The following METTL2B variants were observed in gnomAD, a reference collection of about 807,000 sequenced individuals.
METTL2B encodes methyltransferase 2B, tRNA N3-cytidine, also known as tRNA N(3)-cytidine methyltransferase METTL2B.
In METTL2B, 28 loss-of-function variants were observed where a neutral mutation model predicts 51.0. The ratio of observed to expected loss-of-function variants is 0.55; its 90% CI spans 0.41 to 0.75. The LOEUF (loss-of-function observed/expected upper bound fraction) is 0.75. Ranked by LOEUF, METTL2B falls within the 30% of genes least tolerant of loss-of-function variation. The pLI is 0.00. For synonymous variants in METTL2B, 128 were observed against 166.3 expected (o/e 0.77, Z 1.77); for missense variants, 313 against 460.7 (o/e 0.68, Z 2.93).
At chr7:128,484,226 T>TTTTGTTTTTTTTTTTTTG (rs1554428827) in intron 4 of METTL2B, 1 of 93,056 alleles carries the variant, frequency 1.1e-5, no homozygotes, top group Non-Finnish European at 2.2e-5. Flanking sequence ...CCTTTTTTTT[T>TTTTGTTTTTTTTTTTTTG]TTTTTTTTTT....
chr7:128,479,290 T>C lies in METTL2B; in HGVS notation c.335T>C (p.Leu112Ser), dbSNP rs754946655. 3.7e-6 allele frequency: 6 copies of C among 1,614,122 alleles called. No homozygotes were observed. In the Admixed American group the frequency reaches 8.3e-5, roughly 22 times the overall value. Residue 112 changes from leucine (L) to serine (S), a missense_variant, in exon 3 of 9, where the codon TTG becomes TCG. Physicochemically the swap from Leu to Ser is moderately radical, Grantham distance 145. Coordinates refer to ENST00000262432, the MANE Select transcript of METTL2B (RefSeq NM_018396.3). The part of the protein sequence containing the change: ...ELAPSQNQNH[L>S]KDWFLENKSE... ...GCACCTAGCCAAAATCAAAATCATT[T>C]GAAGGATTGGTTCTTGGAGAACAAG...
chr7:128,477,130 A>G lies in METTL2B; in HGVS notation c.159A>G (p.Lys53=). ...AGCAAGCCGCGGCGGCGGAGAGAAAAGTCCAGGAGAACAGTATCCAGCGGG... is the reference window on the plus strand; with the variant it reads ...AGCAAGCCGCGGCGGCGGAGAGAAAGGTCCAGGAGAACAGTATCCAGCGGG... ...SEEQAAAAER[K]VQENSIQRVC... Residue 53 remains lysine, a synonymous_variant, in exon 2 of 9, where the codon AAA becomes AAG. Transcript: ENST00000262432. 1 of 1,613,996 alleles carries G rather than the reference A, an allele frequency of 6.2e-7. No homozygotes were observed. The highest frequency in any genetic ancestry group is 8.5e-7 in the Non-Finnish European group (1 of 1,179,942).
At chr7:128,490,066 C>T (rs1420242146) in intron 5 of METTL2B, among the ~76,000 whole-genome samples, 2 of 152,168 alleles carry the variant, frequency 1.3e-5, no homozygotes, top group African/African-American at 4.8e-5. Context: ...AGTCCATTCT[C>T]TCAAACCCTG....
At chr7:128,480,460 CTT>C (rs756663492) in intron 3 of METTL2B, among the ~76,000 whole-genome samples, 185 bp from the exon 4 acceptor site, 93 of 152,314 alleles carry the variant, frequency 6.1e-4, no homozygotes, top group Non-Finnish European at 9.8e-4. Context: ...ATGTTCTTGT[CTT>C]TTAAGGGTTC....
At chr7:128,501,735 A>G (rs1394946102) in intron 8 of METTL2B, 27 bp from the exon 9 acceptor site, 3 of 1,611,644 alleles carry the variant, frequency 1.9e-6, no homozygotes, top group Non-Finnish European at 1.7e-6. Context: ...GGGAAAATGC[A>G]TAAACATCTT....
At chr7:128,481,445 A>G (rs1799871591) in intron 4 of METTL2B, among the ~76,000 whole-genome samples, 1 of 152,248 alleles carries the variant, frequency 6.6e-6, no homozygotes, top group Non-Finnish European at 1.5e-5. Context: ...ATAATTTCCT[A>G]GAATGGCTCA....
intron 4 of METTL2B, among the ~76,000 whole-genome samples, chr7:128,485,825 AC>A (rs566268981): frequency 2.0e-4 from 30 of 152,140 alleles, no homozygotes; most frequent in Non-Finnish European, 3.5e-4. Context: ...AATCAATAAA[AC>A]AACAATTTTT....
At chr7:128,490,786 G>T (rs1792814310) in intron 5 of METTL2B, among the ~76,000 whole-genome samples, 1 of 152,136 alleles carries the variant, frequency 6.6e-6, no homozygotes, top group African/African-American at 2.4e-5. Context: ...AAATACAGCA[G>T]CCCTGTTTGA....
Position 128,484,231 on chromosome 7 carries a change from T to TTGTTTTG in METTL2B, c.608+3536_608+3537insGTTTTGT, listed in dbSNP as rs1259668490. The TTGTTTTG allele has an allele frequency of 3.9e-4, 42 of 108,870 alleles. 2 individuals are homozygous for TTGTTTTG. The highest frequency in any genetic ancestry group is 1.2e-3 in the African/African-American group (35 of 28,814). The allele number at this position is 108,870 out of a possible 1,614,324, so 6.7% of individuals were successfully genotyped here. A position where few individuals can be genotyped will look rare whatever the true frequency, so the allele number is the denominator to read the frequency against. ...TTGCCTAGATCCTTTTTTTTTTTTT[T>TTGTTTTG]TTTTTTTTTTTTTTGAGACAGGATT... On this transcript the variant is annotated intron_variant, in intron 4 of 8. Coordinates refer to ENST00000262432, the MANE Select transcript of METTL2B (RefSeq NM_018396.3).
At chr7:128,478,486 T>A (rs1799832084) in intron 2 of METTL2B, among the ~76,000 whole-genome samples, 1 of 149,006 alleles carries the variant, frequency 6.7e-6, no homozygotes, top group Non-Finnish European at 1.5e-5. Flanking sequence ...CCTGACCTCG[T>A]GATCCGCCCA....
intron 4 of METTL2B, among the ~76,000 whole-genome samples, chr7:128,482,619 T>C (rs1158490813): frequency 6.6e-6 from 1 of 152,060 alleles, no homozygotes; most frequent in African/African-American, 2.4e-5. Context: ...CTGCAACCTC[T>C]GCCTCCTGGG....
At chr7:128,488,427 T>C (rs1043541536) in intron 5 of METTL2B, 1 of 615,736 alleles carries the variant, frequency 1.6e-6, no homozygotes, top group African/African-American at 1.8e-5. Flanking sequence ...CACCACCATA[T>C]GCTCACTTAG....
chr7:128,480,162 G>A (rs950580565), intron 3 of METTL2B, among the ~76,000 whole-genome samples: 6 of 152,184 alleles, frequency 3.9e-5, no homozygotes, highest in Non-Finnish European at 8.8e-5. Context: ...TACTTATGAG[G>A]ATGGAGATAA....
rs536488687 is a variant in METTL2B, at chr7:128,487,858, C to T, written c.609-243C>T. 1.1e-4 allele frequency among the ~76,000 whole-genome samples: 16 copies of T among 152,030 alleles called. 1 individual carries two copies. In the East Asian group the frequency reaches 3.1e-3, roughly 29 times the overall value. Reference sequence around the variant, plus strand: ...TTTCTGTAGGTGGAAAAAGAGAAGACATTGATTTGAAACTCCCTGGTTGTT... The same window carrying T: ...TTTCTGTAGGTGGAAAAAGAGAAGATATTGATTTGAAACTCCCTGGTTGTT... On this transcript the variant is annotated intron_variant, in intron 4 of 8. Transcript: ENST00000262432.
At chr7:128,494,089 C>T (rs188811952) in intron 6 of METTL2B, 146 bp downstream of exon 6, 22 of 1,085,266 alleles carry the variant, frequency 2.0e-5, no homozygotes, top group Non-Finnish European at 2.9e-5. Context: ...ATCTCTTGAG[C>T]TTAAATGATC....
chr7:128,495,430 C>T (rs969299822), intron 6 of METTL2B, among the ~76,000 whole-genome samples: 49 of 152,028 alleles, frequency 3.2e-4, no homozygotes, highest in Admixed American at 2.6e-4. Context: ...AACCAGTGGT[C>T]CTATGAAACT....
chr7:128,482,670 A>T (rs1799886964), intron 4 of METTL2B, among the ~76,000 whole-genome samples: 1 of 152,118 alleles, frequency 6.6e-6, no homozygotes, highest in Non-Finnish European at 1.5e-5. Context: ...AATACCCGGG[A>T]TTACAGGCAT....
intron 5 of METTL2B, among the ~76,000 whole-genome samples, chr7:128,490,403 G>A (rs183712155): frequency 5.1e-4 from 74 of 146,330 alleles, no homozygotes; most frequent in Admixed American, 1.9e-3. Context: ...ATAGCCCACT[G>A]TAGCCTTGAA....
Position 128,492,126 on chromosome 7 carries a change from G to A in METTL2B, c.670-1678G>A, listed in dbSNP as rs561228140. On this transcript the variant is annotated intron_variant, in intron 5 of 8. Transcript: ENST00000262432. ...TGATTCTCCCACCTCCTGTGTAACTGGGACTACGGGCACATGCCACCACAC... is the reference window on the plus strand; with the variant it reads ...TGATTCTCCCACCTCCTGTGTAACTAGGACTACGGGCACATGCCACCACAC... Among the ~76,000 whole-genome samples, 17 of 151,898 alleles carry A rather than the reference G, an allele frequency of 1.1e-4. 1 individual carries two copies. Among genetic ancestry groups the A allele is most frequent in the African/African-American group, 4.1e-4 (17 of 41,426 alleles).
Sources: allele counts gnomAD v4.1 joint callset (sites outside exome capture counted in the v4.1 genomes callset), GRCh38; gene constraint gnomAD v4.1.1; transcripts MANE v1.5; gene names NCBI Gene and HGNC (gene_info 2026-07-23, HGNC 2026-07-21).